The following PPP1R12A variants were observed in gnomAD, a reference collection of about 807,000 sequenced individuals.
PPP1R12A encodes the protein protein phosphatase 1 regulatory subunit 12A.
PPP1R12A carries 19 observed loss-of-function variants against 139.6 expected under a neutral mutation model. The ratio of observed to expected loss-of-function variants is 0.14; its 90% confidence interval spans 0.09 to 0.20. The LOEUF is 0.20. Among genes scored for constraint, PPP1R12A ranks in the 10% least tolerant of loss-of-function variants. The pLI is 1.00. For synonymous variants in PPP1R12A, 427 were observed against 420.6 expected (o/e 1.02, Z -0.19); for missense variants, 925 against 1,211.5 (o/e 0.76, Z 3.51).
chr12:79,838,707 G>T (rs1453274289), intron 3 of PPP1R12A, among the ~76,000 whole-genome samples: 1 of 152,254 alleles, frequency 6.6e-6, no homozygotes, highest in Non-Finnish European at 1.5e-5. Flanking sequence ...TCCATGTGGT[G>T]TTGGGACTAT....
intron 1 of PPP1R12A, among the ~76,000 whole-genome samples, chr12:79,899,472 A>G (rs1885439870): frequency 6.6e-6 from 1 of 151,940 alleles, no homozygotes; most frequent in African/African-American, 2.4e-5. Flanking sequence ...CTTCATGTAA[A>G]TGGAATCTTA....
intron 19 of PPP1R12A, among the ~76,000 whole-genome samples, chr12:79,791,760 G>C (rs977857583): frequency 6.6e-6 from 1 of 152,212 alleles, no homozygotes; most frequent in East Asian, 1.9e-4. Context: ...AAGATCGCTA[G>C]AACTTTTTCA....
intron 2 of PPP1R12A, among the ~76,000 whole-genome samples, chr12:79,857,869 G>A (rs1880866963): frequency 6.6e-6 from 1 of 152,132 alleles, no homozygotes; most frequent in South Asian, 2.1e-4. Context: ...AAGAATGAGA[G>A]TTCAGTTCTG....
At chr12:79,863,445 A>G (rs1199583410) in intron 2 of PPP1R12A, among the ~76,000 whole-genome samples, 1 of 152,156 alleles carries the variant, frequency 6.6e-6, no homozygotes, top group African/African-American at 2.4e-5. Flanking sequence ...TCATAATGAC[A>G]GGATCGAATT....
chr12:79,905,875 G>C (rs1028918448), intron 1 of PPP1R12A, among the ~76,000 whole-genome samples: 5 of 152,150 alleles, frequency 3.3e-5, no homozygotes, highest in African/African-American at 1.2e-4. Context: ...ATTGTGTACA[G>C]TGCAGGTGAG....
At chr12:79,867,532 A>G (rs1882108293) in intron 2 of PPP1R12A, among the ~76,000 whole-genome samples, 1 of 10,940 alleles carries the variant, frequency 9.1e-5, no homozygotes, top group Non-Finnish European at 2.4e-3. Context: ...TTAAACTAGA[A>G]AAAAAAAAAT....
intron 1 of PPP1R12A, among the ~76,000 whole-genome samples, chr12:79,903,521 T>C (rs1885829583): frequency 6.6e-6 from 1 of 152,024 alleles, no homozygotes; most frequent in Non-Finnish European, 1.5e-5. Flanking sequence ...CGTAAATTAA[T>C]TTCTTATTTA....
chr12:79,855,737 T>C (rs1317419005), intron 2 of PPP1R12A, among the ~76,000 whole-genome samples: 1 of 152,000 alleles, frequency 6.6e-6, no homozygotes, highest in African/African-American at 2.4e-5. Context: ...TACAGTTAAG[T>C]GAGATAAAGA....
intron 4 of PPP1R12A, among the ~76,000 whole-genome samples, chr12:79,830,964 C>T (rs1374655019): frequency 3.9e-5 from 6 of 152,042 alleles, no homozygotes; most frequent in Admixed American, 3.3e-4. Context: ...TAAAATTTAT[C>T]CTGATCCCCC....
chr12:79,858,531 G>C (rs993401657), intron 2 of PPP1R12A, among the ~76,000 whole-genome samples: 1 of 152,116 alleles, frequency 6.6e-6, no homozygotes, highest in Non-Finnish European at 1.5e-5. Context: ...CAAAGTTGAC[G>C]AGAATTACTT....
chr12:79,908,629 A>C (rs1262142495), intron 1 of PPP1R12A, among the ~76,000 whole-genome samples: 1 of 152,248 alleles, frequency 6.6e-6, no homozygotes, highest in Non-Finnish European at 1.5e-5. Context: ...ATGAAACAGA[A>C]GCATTTAATA....
At chr12:79,846,413 C>T (rs572321630) in intron 2 of PPP1R12A, among the ~76,000 whole-genome samples, 1 of 150,518 alleles carries the variant, frequency 6.6e-6, no homozygotes, top group African/African-American at 2.5e-5. Context: ...CCATCTATTA[C>T]CCAAGTCAAT....
intron 14 of PPP1R12A, among the ~76,000 whole-genome samples, chr12:79,804,004 C>T (rs1189645336): frequency 6.6e-6 from 1 of 152,034 alleles, no homozygotes; most frequent in Non-Finnish European, 1.5e-5. Context: ...TTCAAAAGCA[C>T]TGAATCTCTA....
chr12:79,838,739 T>A (rs1005851880), intron 3 of PPP1R12A, among the ~76,000 whole-genome samples: 3 of 152,196 alleles, frequency 2.0e-5, no homozygotes, highest in Admixed American at 1.3e-4. Flanking sequence ...AGTCAAGAAC[T>A]GAGGTTTGGG....
rs1267122734 is a variant in PPP1R12A, at chr12:79,809,881, C to G, written c.1369G>C (p.Glu457Gln). The change falls in exon 10 of 25, where the codon GAG becomes CAG. Residue 457 changes from glutamate (E) to glutamine (Q), a missense_variant. This residue lies in a region of PPP1R12A where 403 missense variants were observed against 463.7 expected (regional missense o/e 0.87). Coordinates refer to ENST00000450142, the MANE Select transcript of PPP1R12A (RefSeq NM_002480.3). ...GALAEITASK[E>Q]GQKEKDTAGV... Reference sequence around the variant, plus strand: ...GCAGTATCTTTTTCTTTCTGACCCTCTTTAGATGCTGTGATTTCAGCAAGT... The same window carrying G: ...GCAGTATCTTTTTCTTTCTGACCCTGTTTAGATGCTGTGATTTCAGCAAGT... The G allele has an allele frequency of 6.2e-7, 1 of 1,613,472 alleles. No homozygotes were observed. Among genetic ancestry groups the G allele is most frequent in the Non-Finnish European group, 8.5e-7 (1 of 1,179,730 alleles).
intron 1 of PPP1R12A, among the ~76,000 whole-genome samples, chr12:79,920,216 A>AT (rs1887331682): frequency 6.6e-6 from 1 of 152,198 alleles, no homozygotes; most frequent in Non-Finnish European, 1.5e-5. Flanking sequence ...TTGCTACTGA[A>AT]TAATATTCCG....
chr12:79,865,763 G>A (rs1203328626), intron 2 of PPP1R12A, among the ~76,000 whole-genome samples: 4 of 152,134 alleles, frequency 2.6e-5, no homozygotes, highest in South Asian at 2.1e-4. Flanking sequence ...ACTTATAAGC[G>A]ATGTGAAGGA....
At position 79,934,976 on chromosome 12, in the gene PPP1R12A, G is replaced by C; in HGVS notation, c.-45C>G. On this transcript the variant is annotated 5_prime_UTR_variant, in exon 1 of 25. Coordinates refer to ENST00000450142, the MANE Select transcript of PPP1R12A (RefSeq NM_002480.3). Reference sequence around the variant, plus strand: ...TCTTCTTATCGCGAGGGGGGGAAGGGGGAGGCGGAGAGGGAAGAGAGGGGA... The same window carrying C: ...TCTTCTTATCGCGAGGGGGGGAAGGCGGAGGCGGAGAGGGAAGAGAGGGGA... 3.9e-6 allele frequency: 6 copies of C among 1,536,404 alleles called. No homozygotes were observed. The highest frequency in any genetic ancestry group is 5.3e-6 in the Non-Finnish European group (6 of 1,138,288).
chr12:79,900,593 G>T (rs1885548219), intron 1 of PPP1R12A, among the ~76,000 whole-genome samples: 1 of 152,108 alleles, frequency 6.6e-6, no homozygotes, highest in African/African-American at 2.4e-5. Context: ...ATATCTTTCA[G>T]ATATATATTT....
Sources: allele counts gnomAD v4.1 joint callset (sites outside exome capture counted in the v4.1 genomes callset), GRCh38; gene constraint gnomAD v4.1.1; regional missense constraint gnomAD v4.1.1; transcripts MANE v1.5; gene names NCBI Gene and HGNC (gene_info 2026-07-23, HGNC 2026-07-21).